DOT1L: variants seen among roughly 807,000 people sequenced by gnomAD.
The protein encoded by DOT1L is histone-lysine N-methyltransferase, H3 lysine-79 specific.
DOT1L carries 33 observed loss-of-function variants against 153.3 expected under a neutral mutation model. The ratio of observed to expected loss-of-function variants is 0.22; its 90% CI spans 0.16 to 0.29. DOT1L has a LOEUF of 0.29. DOT1L is among the 10% of genes least tolerant of loss of function. DOT1L has a pLI of 1.00. For synonymous variants in DOT1L, 1,135 were observed against 965.1 expected (o/e 1.18, Z -3.26); for missense variants, 1,847 against 2,119.9 (o/e 0.87, Z 2.53).
In DOT1L at chr19:2,222,203, C is replaced by G. The variant is rs1043570410; in HGVS notation, c.3034C>G (p.Leu1012Val). ...CCACCAGCTCTCCTCCAGTCCCCGG[C>G]TTGGTGGGGCCGCCCAGGGCCCGTT... ...PAHQLSSSPRLGGAAQGPLPE... is the reference protein window; with the variant it reads ...PAHQLSSSPRVGGAAQGPLPE... Residue 1012 changes from leucine (L) to valine (V), a missense_variant, in exon 24 of 28, where the codon CTT (leucine) becomes GTT (valine). By Grantham distance (32) the Leu-to-Val change is conservative. Transcript: ENST00000398665. The surrounding 1 kb of genome is among the most constrained non-coding windows in gnomAD (Gnocchi z 6.5). The G allele has an allele frequency of 1.2e-6, 2 of 1,613,112 alleles. No individual in the cohort carries two copies. The highest frequency in any genetic ancestry group is 1.7e-6 in the Non-Finnish European group (2 of 1,179,846).
chr19:2,210,270 C>T (rs3746159), intron 12 of DOT1L, 130 bp from the exon 13 acceptor site: 97,257 of 846,552 alleles, frequency 0.11, 6,295 homozygotes, highest in East Asian at 0.2. Flanking sequence ...CTGATTTGTG[C>T]CACAGAGGAC....
intron 1 of DOT1L, among the ~76,000 whole-genome samples, chr19:2,171,993 T>A (rs935845439): frequency 1.3e-5 from 2 of 152,156 alleles, no homozygotes; most frequent in Non-Finnish European, 2.9e-5. Flanking sequence ...GACGTGAAGA[T>A]AACAGATGGT....
At chr19:2,206,692 C>G in intron 9 of DOT1L, 37 bp from the exon 10 acceptor site, 1 of 1,609,844 alleles carries the variant, frequency 6.2e-7, no homozygotes, top group African/African-American at 1.3e-5. Context: ...TCTGTTTCCT[C>G]TCTCCTGTGT....
Position 2,231,867 on chromosome 19 carries a change from A to ACC in DOT1L, c.*2076_*2077dup. 1 of 220,078 alleles carries ACC rather than the reference A, an allele frequency of 4.5e-6. No homozygotes were observed. The highest frequency in any genetic ancestry group is 5.8e-5 in the Admixed American group (1 of 17,294). The allele number at this position is 220,078 out of a possible 1,614,324, so 13.6% of individuals were successfully genotyped here. ...TGCAGGGCTCCTGCCCACGCAGGCCACCGTATGTTCAGGACACGCACTGGG... is the reference window on the plus strand; with the variant it reads ...TGCAGGGCTCCTGCCCACGCAGGCCACCCCGTATGTTCAGGACACGCACTGGG... On this transcript the variant is annotated 3_prime_UTR_variant, in exon 28 of 28. Coordinates refer to ENST00000398665, the MANE Select transcript of DOT1L (RefSeq NM_032482.3).
At position 2,223,488 on chromosome 19, in the gene DOT1L, C is replaced by G. The variant is rs778602007; in HGVS notation, c.3596+2C>G. The stretch of plus-strand genomic sequence containing the variant: ...TGAGGACGAGCCCAGCAGTGCTCGG[C>G]GAGTCCAGGGGCCCGGAGGGGGGCG... On this transcript the variant is annotated splice_donor_variant, in intron 25 of 27. Coordinates refer to ENST00000398665, the MANE Select transcript of DOT1L (RefSeq NM_032482.3). LOFTEE classifies it high-confidence loss of function. 2 of 1,471,412 alleles carry G rather than the reference C, an allele frequency of 1.4e-6. No individual in the cohort carries two copies. Among genetic ancestry groups the G allele is most frequent in the African/African-American group, 2.9e-5 (2 of 69,030 alleles). 91.1% of individuals were successfully genotyped at this position (1,471,412 alleles called of 1,614,324 possible).
rs755952912 is a variant in DOT1L, at chr19:2,217,969, G to T, written c.2691+51G>T. On this transcript the variant is annotated intron_variant, in intron 22 of 27. Transcript: ENST00000398665. The surrounding 1 kb of genome is among the most constrained non-coding windows in gnomAD (Gnocchi z 7.3). ...CCAAGGGCCACGTTGAGGCAAAACA[G>T]TCTGGGGTGCTCGAGACCTGGCTCA... 6.3e-7 allele frequency: 1 copy of T among 1,588,680 alleles called. No homozygotes were observed. Among genetic ancestry groups the T allele is most frequent in the Non-Finnish European group, 8.6e-7 (1 of 1,169,204 alleles).
rs140680259 is a variant in DOT1L, at chr19:2,170,497, C to T, written c.81+6232C>T. Among the ~76,000 whole-genome samples, 6 of 152,236 alleles carry T rather than the reference C, an allele frequency of 3.9e-5. No individual in the cohort carries two copies. In the East Asian group the frequency reaches 7.7e-4, roughly 20 times the overall value. ...AGTTGCGGAACCAGATACGGGTACC[C>T]GGGGATTCATCAGTTCTGTGTTTCC... On this transcript the variant is annotated intron_variant, in intron 1 of 27. Transcript: ENST00000398665.
rs766194878 is a variant in DOT1L at position 2,226,268 on chromosome 19, C to G, written c.3747C>G (p.Ser1249=). The part of the protein sequence containing the change: ...SKWKSTFSPI[S]DIGLAKSADS... ...GGAAGTCCACCTTCTCGCCCATCTC[C>G]GACATCGGCCTGGCCAAGTCGGCGG... The change falls in exon 27 of 28, where the codon TCC becomes TCG. Residue 1249 remains serine (S), a synonymous_variant. Transcript: ENST00000398665. 40 of 1,589,876 alleles carry G rather than the reference C, an allele frequency of 2.5e-5. No individual in the cohort carries two copies. The highest frequency in any genetic ancestry group is 3.2e-5 in the Non-Finnish European group (37 of 1,166,946).
rs2024641024 is a variant in DOT1L, at chr19:2,232,345, C to CCG, written c.*2553_*2554insCG. Reference sequence around the variant, plus strand: ...AGTGGTCAGCAGGCCCCCCACCCCCCGCCGACTGCCCTCGCCATCGTGGTC... The same window carrying CCG: ...AGTGGTCAGCAGGCCCCCCACCCCCCCGGCCGACTGCCCTCGCCATCGTGGTC... On this transcript the variant is annotated 3_prime_UTR_variant, in exon 28 of 28. Transcript: ENST00000398665. 1 of 212,778 alleles carries CCG rather than the reference C, an allele frequency of 4.7e-6. No homozygotes were observed. Among genetic ancestry groups the CCG allele is most frequent in the Non-Finnish European group, 9.5e-6 (1 of 105,372 alleles). The allele number at this position is 212,778 out of a possible 1,614,324, so 13.2% of individuals were successfully genotyped here.
intron 3 of DOT1L, among the ~76,000 whole-genome samples, chr19:2,187,352 G>A (rs752023718): frequency 1.3e-5 from 2 of 152,224 alleles, no homozygotes; most frequent in Admixed American, 6.5e-5. Context: ...TGCTCACGGC[G>A]CCCCTCCACG....
intron 1 of DOT1L, among the ~76,000 whole-genome samples, chr19:2,177,496 A>G (rs1047010696): frequency 5.9e-5 from 9 of 152,086 alleles, no homozygotes; most frequent in African/African-American, 9.7e-5. Context: ...AACAATTTTT[A>G]TATTATTAGT....
At chr19:2,165,690 AAG>A (rs1438287025) in intron 1 of DOT1L, among the ~76,000 whole-genome samples, 1 of 152,140 alleles carries the variant, frequency 6.6e-6, no homozygotes, top group Non-Finnish European at 1.5e-5. Flanking sequence ...ATATGACCAT[AAG>A]AGTTCTAACT....
intron 27 of DOT1L, chr19:2,227,965 C>G: frequency 1.6e-6 from 2 of 1,258,900 alleles, no homozygotes; most frequent in Non-Finnish European, 2.1e-6. Context: ...GGCCGGTCCC[C>G]CGCGGGGCCG....
chr19:2,189,848 C>T (rs2022712536), intron 4 of DOT1L, 53 bp downstream of exon 4: 1 of 1,583,596 alleles, frequency 6.3e-7, no homozygotes, highest in Non-Finnish European at 8.6e-7. Flanking sequence ...GCTCCCGGAC[C>T]CCTCCAGACC....
At chr19:2,170,742 C>G (rs2021573051) in intron 1 of DOT1L, among the ~76,000 whole-genome samples, 1 of 152,176 alleles carries the variant, frequency 6.6e-6, no homozygotes, top group Admixed American at 6.5e-5. Context: ...GCTCACAGAA[C>G]TCCCGAGAAA....
intron 22 of DOT1L, among the ~76,000 whole-genome samples, chr19:2,219,080 C>T (rs1219192555): frequency 3.3e-5 from 5 of 152,320 alleles, no homozygotes; most frequent in East Asian, 3.9e-4. Context: ...CCATCTTGGC[C>T]GAGCTGGTCT....
chr19:2,203,739 TC>T (rs2023384355), intron 9 of DOT1L, among the ~76,000 whole-genome samples: 1 of 152,230 alleles, frequency 6.6e-6, no homozygotes, highest in African/African-American at 2.4e-5. Context: ...CCTGCCATTG[TC>T]TCCCAGCCCC....
In DOT1L at chr19:2,223,436, A is replaced by T. The variant is rs201405824; in HGVS notation, c.3546A>T (p.Pro1182=). The part of the protein sequence containing the change: ...LSQTNGAHYS[P]LTSDEEPGSE... ...AGACCAATGGGGCACACTACTCCCC[A>T]CTCACCTCAGACGAGGAGCCAGGCT... The change falls in exon 25 of 28, where the codon CCA becomes CCT. Residue 1182 remains proline, a synonymous_variant. Coordinates refer to ENST00000398665, the MANE Select transcript of DOT1L (RefSeq NM_032482.3). The T allele has an allele frequency of 4.2e-5, 67 of 1,612,896 alleles. 1 individual carries two copies. In the Admixed American group the frequency reaches 4.8e-4, roughly 12 times the overall value.
Position 2,210,743 on chromosome 19 carries a change from C to A in DOT1L, c.1239C>A (p.Arg413=). The A allele has an allele frequency of 6.2e-7, 1 of 1,613,170 alleles. No individual in the cohort carries two copies. Among genetic ancestry groups the A allele is most frequent in the Non-Finnish European group, 8.5e-7 (1 of 1,180,010 alleles). Residue 413 remains arginine (R), a synonymous_variant, in exon 14 of 28, where the codon CGC becomes CGA. Transcript: ENST00000398665. ...AGATGGCTGGCCGCAAGCGCGGGCG[C>A]CCCAAGAAGATGAACACTGCGAACC... ...GRKMAGRKRG[R]PKKMNTANPE... is the part of the protein sequence containing the mutation.
Sources: allele counts gnomAD v4.1 joint callset (sites outside exome capture counted in the v4.1 genomes callset), GRCh38; gene constraint gnomAD v4.1.1; non-coding constraint Gnocchi (gnomAD v3.1); transcripts MANE v1.5; gene names NCBI Gene and HGNC (gene_info 2026-07-23, HGNC 2026-07-21).